The following LHFPL3 variants were observed in gnomAD, a reference collection of about 807,000 sequenced individuals.
LHFPL3 encodes the protein LHFPL tetraspan subfamily member 3, also known as LHFPL tetraspan subfamily member 3 protein.
LHFPL3 carries 5 observed loss-of-function variants against 19.3 expected under a neutral mutation model. The ratio of observed to expected loss-of-function variants is 0.26; its 90% CI spans 0.14 to 0.54. The LOEUF is 0.54. Among genes scored for constraint, LHFPL3 ranks in the 20% least tolerant of loss-of-function variants. The pLI, the probability that LHFPL3 is intolerant of heterozygous loss-of-function variation, is 0.94. For missense variants in LHFPL3, 249 were observed against 307.4 expected (o/e 0.81, Z 1.42); for synonymous variants, 133 against 126.2 (o/e 1.05, Z -0.36).
intron 1 of LHFPL3, among the ~76,000 whole-genome samples, chr7:104,571,542 T>TGAAA (rs1268104664): frequency 6.6e-6 from 1 of 152,192 alleles, no homozygotes; most frequent in African/African-American, 2.4e-5. Context: ...AAGCCTTTTC[T>TGAAA]GGACACAATA....
intron 1 of LHFPL3, among the ~76,000 whole-genome samples, chr7:104,515,974 T>C (rs993508164): frequency 2.0e-5 from 3 of 152,086 alleles, no homozygotes; most frequent in African/African-American, 7.2e-5. Context: ...TGTTCAGATA[T>C]CTTTACAACA....
At chr7:104,785,876 C>A (rs1198566848) in intron 2 of LHFPL3, 1 of 152,206 alleles carries the variant, frequency 6.6e-6, no homozygotes, top group Non-Finnish European at 1.5e-5. Context: ...AGGGTTAATT[C>A]CACAAGCATT....
At chr7:104,500,006 A>G (rs1357823685) in intron 1 of LHFPL3, among the ~76,000 whole-genome samples, 1 of 152,242 alleles carries the variant, frequency 6.6e-6, no homozygotes, top group East Asian at 1.9e-4. Flanking sequence ...TGAGTCAGAA[A>G]GATGAGCACT....
intron 2 of LHFPL3, among the ~76,000 whole-genome samples, chr7:104,822,607 C>T (rs776793288): frequency 9.9e-5 from 15 of 152,058 alleles, no homozygotes; most frequent in Non-Finnish European, 1.8e-4. Flanking sequence ...AAAATTTCTC[C>T]CAGTTGAGAA....
chr7:104,707,253 G>C (rs1267063976), intron 1 of LHFPL3, among the ~76,000 whole-genome samples: 4 of 152,168 alleles, frequency 2.6e-5, no homozygotes, highest in Non-Finnish European at 5.9e-5. Context: ...GTACAAGCCA[G>C]GAGCTGAGGT....
intron 1 of LHFPL3, among the ~76,000 whole-genome samples, chr7:104,419,799 G>A: frequency 6.6e-6 from 1 of 152,144 alleles, no homozygotes; most frequent in East Asian, 1.9e-4. Context: ...TGGAAGCTCA[G>A]GAACATCACA....
intron 1 of LHFPL3, among the ~76,000 whole-genome samples, chr7:104,554,908 G>C (rs1794735235): frequency 1.3e-5 from 2 of 152,220 alleles, no homozygotes; most frequent in Non-Finnish European, 2.9e-5. Flanking sequence ...CCCAGAGTCA[G>C]AAGGCTGGAG....
intron 1 of LHFPL3, among the ~76,000 whole-genome samples, chr7:104,515,895 TTTC>T (rs946300181): frequency 3.9e-5 from 6 of 152,118 alleles, no homozygotes; most frequent in African/African-American, 1.4e-4. Flanking sequence ...CACATTTTCC[TTTC>T]TTCTTCTGAG....
At chr7:104,755,582 CCACA>C (rs35584345) in intron 2 of LHFPL3, among the ~76,000 whole-genome samples, 2 of 150,486 alleles carry the variant, frequency 1.3e-5, no homozygotes, top group Non-Finnish European at 3.0e-5. Context: ...CCCAACACCA[CCACA>C]CACACACACA....
chr7:104,433,888 C>A (rs42182), intron 1 of LHFPL3, among the ~76,000 whole-genome samples: 26,705 of 152,006 alleles, frequency 0.18, 3,683 homozygotes, highest in African/African-American at 0.39. Flanking sequence ...GCACAGTGCC[C>A]GGCACACAGG....
chr7:104,385,459 C>T (rs757199606), intron 1 of LHFPL3, among the ~76,000 whole-genome samples: 1 of 152,138 alleles, frequency 6.6e-6, no homozygotes, highest in Non-Finnish European at 1.5e-5. Flanking sequence ...TGCTGACAGA[C>T]TGGTTTTAAG....
Position 104,844,982 on chromosome 7 carries a change from C to T in LHFPL3, c.683-61205C>T, listed in dbSNP as rs191646536. On this transcript the variant is annotated intron_variant, in intron 2 of 2. Coordinates refer to ENST00000424859, the MANE Select transcript of LHFPL3 (RefSeq NM_199000.3). ...CTCGAACTCCTGACCTCAAGTGATC[C>T]GCCTGCCTTAGCCTCCCAAAGTGTT... Among the ~76,000 whole-genome samples the T allele has an allele frequency of 7.2e-5, 11 of 152,312 alleles. No individual in the cohort carries two copies. The East Asian group carries it at 1.2e-3, about 16-fold the overall frequency.
intron 1 of LHFPL3, among the ~76,000 whole-genome samples, chr7:104,472,051 C>T (rs982457899): frequency 6.6e-6 from 1 of 151,852 alleles, no homozygotes; most frequent in Admixed American, 6.6e-5. Flanking sequence ...GGGGCGTGTA[C>T]CTGTAGTCTC....
intron 1 of LHFPL3, among the ~76,000 whole-genome samples, chr7:104,702,524 C>T (rs1264474660): frequency 2.0e-5 from 3 of 152,138 alleles, no homozygotes; most frequent in African/African-American, 7.2e-5. Flanking sequence ...AGCTGACCTT[C>T]AGAATAAGAA....
At chr7:104,411,401 G>T (rs1236776723) in intron 1 of LHFPL3, among the ~76,000 whole-genome samples, 1 of 152,096 alleles carries the variant, frequency 6.6e-6, no homozygotes, top group Non-Finnish European at 1.5e-5. Context: ...GGGTTTATTT[G>T]TATAACTTCT....
At chr7:104,614,284 T>G (rs1791265959) in intron 1 of LHFPL3, among the ~76,000 whole-genome samples, 1 of 152,150 alleles carries the variant, frequency 6.6e-6, no homozygotes, top group Admixed American at 6.6e-5. Context: ...TTATAATTAT[T>G]TGAGTTTCTA....
At chr7:104,776,319 G>A (rs1033840693) in intron 2 of LHFPL3, among the ~76,000 whole-genome samples, 3 of 152,174 alleles carry the variant, frequency 2.0e-5, no homozygotes, top group South Asian at 2.1e-4. Context: ...AGATGCTACC[G>A]AGGCACCCAT....
At chr7:104,570,130 C>T (rs894362476) in intron 1 of LHFPL3, among the ~76,000 whole-genome samples, 6 of 152,186 alleles carry the variant, frequency 3.9e-5, no homozygotes, top group African/African-American at 1.4e-4. Context: ...TTTGTATCAG[C>T]CATTGGAAAA....
intron 1 of LHFPL3, among the ~76,000 whole-genome samples, chr7:104,359,891 G>T (rs1377069268): frequency 6.6e-6 from 1 of 152,250 alleles, no homozygotes; most frequent in African/African-American, 2.4e-5. Context: ...GGATGTATAA[G>T]ATGTGCTAAA....
Sources: gnomAD v4.1 joint callset for allele counts (sites outside exome capture counted in the v4.1 genomes callset) on GRCh38, gnomAD v4.1.1 for gene constraint, MANE v1.5 for transcripts, NCBI Gene and HGNC (gene_info 2026-07-23, HGNC 2026-07-21) for gene names.